The following CHRM3 variants were observed in gnomAD, a reference collection of about 807,000 sequenced individuals.
CHRM3 encodes the protein muscarinic acetylcholine receptor M3.
Under a neutral mutation model 41.8 loss-of-function variants are expected in CHRM3, and 11 were observed. The observed-to-expected ratio is 0.26, with a 90% CI of 0.17 to 0.44. The LOEUF (loss-of-function observed/expected upper bound fraction) is 0.44. Among genes scored for constraint, CHRM3 ranks in the 20% least tolerant of loss-of-function variants. The probability of loss-of-function intolerance (pLI) is 1.00; values close to 1 mark genes in which losing one functional copy is unlikely to be tolerated. For missense variants in CHRM3, 571 were observed against 745.4 expected (o/e 0.77, Z 2.72); for synonymous variants, 297 against 301.4 (o/e 0.99, Z 0.15).
intron 1 of CHRM3, among the ~76,000 whole-genome samples, chr1:239,416,460 A>G (rs1290401433): frequency 6.6e-6 from 1 of 152,208 alleles, no homozygotes; most frequent in Non-Finnish European, 1.5e-5. Context: ...ATTCAGTATT[A>G]TGAACAAGAA....
At chr1:239,734,975 C>A (rs1324706446) in intron 5 of CHRM3, among the ~76,000 whole-genome samples, 1 of 152,040 alleles carries the variant, frequency 6.6e-6, no homozygotes, top group Non-Finnish European at 1.5e-5. Context: ...AGCATGTATT[C>A]ATTTGAAATA....
intron 3 of CHRM3, among the ~76,000 whole-genome samples, chr1:239,547,692 G>C (rs1659427404): frequency 6.6e-6 from 1 of 152,106 alleles, no homozygotes; most frequent in Non-Finnish European, 1.5e-5. Context: ...TGTATAGTAT[G>C]ATTTTAAAAT....
At chr1:239,432,109 A>G (rs1458919391) in intron 1 of CHRM3, among the ~76,000 whole-genome samples, 1 of 152,036 alleles carries the variant, frequency 6.6e-6, no homozygotes, top group African/African-American at 2.4e-5. Flanking sequence ...TGTAGATAGG[A>G]GTATGTCAGT....
intron 6 of CHRM3, among the ~76,000 whole-genome samples, chr1:239,864,691 C>T (rs1037168732): frequency 2.6e-5 from 4 of 152,010 alleles, no homozygotes; most frequent in African/African-American, 7.3e-5. Context: ...AACTACTATC[C>T]TCATTATTAC....
At chr1:239,519,198 T>C (rs1215648654) in intron 2 of CHRM3, among the ~76,000 whole-genome samples, 3 of 152,212 alleles carry the variant, frequency 2.0e-5, no homozygotes, top group Non-Finnish European at 4.4e-5. Context: ...AATTTGGAGA[T>C]AATTTGAATG....
At chr1:239,561,260 C>T (rs1457068025) in intron 3 of CHRM3, among the ~76,000 whole-genome samples, 1 of 152,194 alleles carries the variant, frequency 6.6e-6, no homozygotes, top group Non-Finnish European at 1.5e-5. Flanking sequence ...TGCTTAAAAT[C>T]CTACAGGGGC....
chr1:239,892,971 C>T (rs1678674089), intron 6 of CHRM3, among the ~76,000 whole-genome samples: 1 of 152,176 alleles, frequency 6.6e-6, no homozygotes, highest in South Asian at 2.1e-4. Flanking sequence ...ACATAATACA[C>T]ATTGGAGGGT....
At chr1:239,622,435 G>C (rs545865744) in intron 3 of CHRM3, among the ~76,000 whole-genome samples, 3 of 152,308 alleles carry the variant, frequency 2.0e-5, no homozygotes, top group Non-Finnish European at 4.4e-5. Flanking sequence ...CACCATTCTA[G>C]ATGCTATTAA....
intron 6 of CHRM3, among the ~76,000 whole-genome samples, chr1:239,872,993 C>T (rs567465136): frequency 3.5e-4 from 53 of 152,144 alleles, no homozygotes; most frequent in Non-Finnish European, 6.3e-4. Context: ...GAAGTTGTCT[C>T]TCGAGTGTAC....
At position 239,908,568 on chromosome 1, in the gene CHRM3, G is replaced by T; in HGVS notation, c.1117G>T (p.Gly373Cys). Residue 373 changes from glycine to cysteine, a missense_variant, in exon 7 of 7, where the codon GGT (glycine) becomes TGT (cysteine). This residue lies in a region of CHRM3 where 239 missense variants were observed against 239.6 expected (regional missense o/e 1.00). Transcript: ENST00000676153. The surrounding 1 kb of genome is among the most constrained non-coding windows in gnomAD (Gnocchi z 7.2). Reference sequence around the variant, plus strand: ...CTACTCCATCGTGCTCAAGCTTCCGGGTCACAGCACCATCCTCAACTCCAC... The same window carrying T: ...CTACTCCATCGTGCTCAAGCTTCCGTGTCACAGCACCATCCTCAACTCCAC... ...AIYSIVLKLP[G>C]HSTILNSTKL... 6.3e-7 allele frequency: 1 copy of T among 1,590,858 alleles called. No homozygotes were observed. The highest frequency in any genetic ancestry group is 8.6e-7 in the Non-Finnish European group (1 of 1,168,648).
chr1:239,861,661 C>T (rs1675652332), intron 6 of CHRM3, among the ~76,000 whole-genome samples: 1 of 152,236 alleles, frequency 6.6e-6, no homozygotes, highest in East Asian at 1.9e-4. Context: ...ATCACACAGA[C>T]TCGTTCGTTA....
chr1:239,760,607 A>G (rs1212309147), intron 5 of CHRM3, among the ~76,000 whole-genome samples: 1 of 151,778 alleles, frequency 6.6e-6, no homozygotes, highest in African/African-American at 2.4e-5. Context: ...TTTTACTTTC[A>G]TATTTTCAAG....
chr1:239,914,356 T>C lies in CHRM3; in HGVS notation c.*5132T>C, dbSNP rs1397590577. On this transcript the variant is annotated 3_prime_UTR_variant, in exon 7 of 7. Coordinates refer to ENST00000676153, the MANE Select transcript of CHRM3 (RefSeq NM_001375978.1). ...GAATATCTAATAACCTCCTTATTAA[T>C]ATAACAAATATTATCAACATTCTGT... The C allele has an allele frequency of 6.0e-6, 1 of 167,138 alleles. No homozygotes were observed. Among genetic ancestry groups the C allele is most frequent in the Non-Finnish European group, 1.5e-5 (1 of 68,130 alleles). 10.4% of individuals were successfully genotyped at this position (167,138 alleles called of 1,614,324 possible). A position where few individuals can be genotyped will look rare whatever the true frequency, so the allele number is the denominator to read the frequency against.
At chr1:239,488,260 A>G (rs1667316274) in intron 1 of CHRM3, among the ~76,000 whole-genome samples, 1 of 152,054 alleles carries the variant, frequency 6.6e-6, no homozygotes, top group Non-Finnish European at 1.5e-5. Context: ...ATAACCGTTA[A>G]CTCCTCCTAA....
intron 3 of CHRM3, among the ~76,000 whole-genome samples, chr1:239,595,020 T>A (rs1572843100): frequency 6.6e-6 from 1 of 152,128 alleles, no homozygotes; most frequent in Admixed American, 6.6e-5. Flanking sequence ...ACCCGGCAGG[T>A]GGAGGTTATG....
intron 5 of CHRM3, among the ~76,000 whole-genome samples, chr1:239,683,356 A>G (rs1345797563): frequency 6.6e-6 from 1 of 152,188 alleles, no homozygotes; most frequent in Non-Finnish European, 1.5e-5. Flanking sequence ...GTAATTCATC[A>G]GATTAGAAGA....
chr1:239,536,666 G>A (rs1046533047), intron 2 of CHRM3, among the ~76,000 whole-genome samples: 4 of 152,152 alleles, frequency 2.6e-5, no homozygotes, highest in Non-Finnish European at 5.9e-5. Context: ...AAGTACCTGG[G>A]CTGGTAAATG....
intron 4 of CHRM3, among the ~76,000 whole-genome samples, chr1:239,646,247 A>G (rs1671728859): frequency 6.6e-6 from 1 of 152,204 alleles, no homozygotes; most frequent in Admixed American, 6.5e-5. Context: ...TTCCTGTTAT[A>G]TGTTCTCGAG....
At chr1:239,813,131 A>G (rs1048574130) in intron 5 of CHRM3, among the ~76,000 whole-genome samples, 2 of 152,130 alleles carry the variant, frequency 1.3e-5, no homozygotes, top group East Asian at 3.9e-4. Flanking sequence ...TACAAAAATT[A>G]CCCTGACGTG....
Sources: allele counts gnomAD v4.1 joint callset (sites outside exome capture counted in the v4.1 genomes callset), GRCh38; gene constraint gnomAD v4.1.1; regional missense constraint gnomAD v4.1.1; non-coding constraint Gnocchi (gnomAD v3.1); transcripts MANE v1.5; gene names NCBI Gene and HGNC (gene_info 2026-07-23, HGNC 2026-07-21).